The following ARMH3 variants were observed in gnomAD, a reference collection of about 807,000 sequenced individuals.
The protein encoded by ARMH3 is armadillo like helical domain containing 3.
Under a neutral mutation model 99.1 loss-of-function variants are expected in ARMH3, and 60 were observed. The observed-to-expected ratio is 0.61, with a 90% CI of 0.49 to 0.75. The LOEUF (loss-of-function observed/expected upper bound fraction) is 0.75. Ranked by LOEUF, ARMH3 falls within the 30% of genes least tolerant of loss-of-function variation. ARMH3 has a pLI of 0.00. For synonymous variants in ARMH3, 285 were observed against 292.8 expected, an observed-to-expected ratio of 0.97 and a Z score of 0.27; for missense variants, 679 against 843.1, an observed-to-expected ratio of 0.81 and a Z score of 2.41.
At chr10:101,888,710 T>C (rs1284263723) in intron 24 of ARMH3, among the ~76,000 whole-genome samples, 4 of 152,228 alleles carry the variant, frequency 2.6e-5, no homozygotes, top group Non-Finnish European at 5.9e-5. Context: ...AAGGGAACCA[T>C]GTGAATAGGA....
intron 21 of ARMH3, among the ~76,000 whole-genome samples, chr10:101,957,155 A>G (rs1231020883): frequency 2.0e-5 from 3 of 152,238 alleles, no homozygotes; most frequent in Non-Finnish European, 4.4e-5. Flanking sequence ...CTACGAATCA[A>G]GACTTTTTTT....
chr10:101,917,420 A>T (rs1272927271), intron 23 of ARMH3, among the ~76,000 whole-genome samples: 1 of 152,242 alleles, frequency 6.6e-6, no homozygotes, highest in Non-Finnish European at 1.5e-5. Flanking sequence ...AGGTTGTTGC[A>T]TGTATCAGTA....
intron 8 of ARMH3, among the ~76,000 whole-genome samples, chr10:102,022,491 TAAAAAAAAAAA>T (rs745889967): frequency 1.2e-5 from 1 of 85,364 alleles, no homozygotes; most frequent in Non-Finnish European, 2.3e-5. Flanking sequence ...GACTCTGACT[TAAAAAAAAAAA>T]AAAAAAAAAA....
At chr10:101,925,364 G>C (rs1180511894) in intron 23 of ARMH3, among the ~76,000 whole-genome samples, 1 of 152,124 alleles carries the variant, frequency 6.6e-6, no homozygotes, top group Non-Finnish European at 1.5e-5. Context: ...CCATATTTTA[G>C]GAGATAAATT....
At chr10:101,969,042 C>A (rs1457650717) in intron 20 of ARMH3, among the ~76,000 whole-genome samples, 1 of 152,114 alleles carries the variant, frequency 6.6e-6, no homozygotes, top group Non-Finnish European at 1.5e-5. Context: ...TTGCCTAAAT[C>A]AGAGAAAATT....
intron 23 of ARMH3, among the ~76,000 whole-genome samples, chr10:101,931,273 T>C (rs1042260904): frequency 6.6e-6 from 1 of 152,196 alleles, no homozygotes; most frequent in Non-Finnish European, 1.5e-5. Context: ...ACGCCTGTAA[T>C]CCCAACACTT....
chr10:102,047,555 C>T (rs777646392), intron 1 of ARMH3, among the ~76,000 whole-genome samples: 2 of 151,418 alleles, frequency 1.3e-5, no homozygotes, highest in Non-Finnish European at 2.9e-5. Context: ...GGCATGATCT[C>T]GGCTCACGGC....
intron 20 of ARMH3, among the ~76,000 whole-genome samples, chr10:101,969,264 G>A (rs1845669036): frequency 6.6e-6 from 1 of 152,100 alleles, no homozygotes; most frequent in Non-Finnish European, 1.5e-5. Context: ...TACTATTTTT[G>A]CAACTTCCTG....
At chr10:101,952,820 ACT>A (rs1479215733) in intron 22 of ARMH3, 2 of 151,968 alleles carry the variant, frequency 1.3e-5, no homozygotes, top group African/African-American at 4.8e-5. Context: ...ACATTAAGCA[ACT>A]CTCTTTGTCT....
intron 20 of ARMH3, among the ~76,000 whole-genome samples, chr10:101,958,770 T>C (rs1845155949): frequency 6.6e-6 from 1 of 152,076 alleles, no homozygotes; most frequent in Admixed American, 6.5e-5. Flanking sequence ...TTGTGTGAAG[T>C]TTACTACTCT....
intron 2 of ARMH3, among the ~76,000 whole-genome samples, chr10:102,039,148 G>A (rs1363399841): frequency 6.7e-6 from 1 of 149,836 alleles, no homozygotes; most frequent in Non-Finnish European, 1.5e-5. Flanking sequence ...CCTTGATAGT[G>A]TATTTTTTTT....
In ARMH3 at chr10:101,946,013, GCAGAGGTTGCAGTGGGCCACTGCACT is replaced by G. The variant is rs1844501806; in HGVS notation, c.1706-6101_1706-6076del. 2.1e-5 allele frequency among the ~76,000 whole-genome samples: 3 copies of G among 140,420 alleles called. No individual in the cohort carries two copies. The South Asian group carries it at 6.7e-4, about 31-fold the overall frequency. 92.1% of individuals were successfully genotyped at this position (140,420 alleles called of 152,430 possible). ...CAGAAGAATCGCTTGAACCCAGGAG[GCAGAGGTTGCAGTGGGCCACTGCACT>G]CCAGCCTGGGCGACAGAGTAAGACT... On this transcript the variant is annotated intron_variant, in intron 22 of 25. Coordinates refer to ENST00000370033, the MANE Select transcript of ARMH3 (RefSeq NM_024541.3).
chr10:101,990,580 C>T lies in ARMH3; in HGVS notation c.1377G>A (p.Met459Ile). Residue 459 changes from methionine (M) to isoleucine (I), a missense_variant, in exon 19 of 26, where the codon ATG becomes ATA. By Grantham distance (10) the Met-to-Ile change is conservative. Around this residue, in one of 3 missense-constraint regions of ARMH3, gnomAD observed 389 missense variants for 456.5 expected, o/e 0.85. Coordinates refer to ENST00000370033, the MANE Select transcript of ARMH3 (RefSeq NM_024541.3). Reference protein sequence around the residue: ...DLMVEFIVTHMMKEFPMDLYI... With the variant: ...DLMVEFIVTHIMKEFPMDLYI... The stretch of plus-strand genomic sequence containing the variant: ...AGAGATCCATAGGAAACTCCTTCAT[C>T]ATGTGTGTTACAATAAACTCTACCA... 6.2e-7 allele frequency: 1 copy of T among 1,604,072 alleles called. No individual in the cohort carries two copies. Among genetic ancestry groups the T allele is most frequent in the Non-Finnish European group, 8.5e-7 (1 of 1,171,022 alleles).
intron 24 of ARMH3, among the ~76,000 whole-genome samples, chr10:101,878,576 T>C (rs761330296): frequency 4.0e-5 from 6 of 151,380 alleles, no homozygotes; most frequent in Non-Finnish European, 5.9e-5. Context: ...GAGCTCGAGG[T>C]TGCAGTCAGC....
intron 23 of ARMH3, among the ~76,000 whole-genome samples, chr10:101,924,512 C>T (rs1843428961): frequency 6.6e-6 from 1 of 151,606 alleles, no homozygotes; most frequent in African/African-American, 2.4e-5. Context: ...CAGGCGCCCG[C>T]CACCATGCCT....
chr10:101,907,392 T>G (rs1249902045), intron 23 of ARMH3, among the ~76,000 whole-genome samples: 8 of 151,580 alleles, frequency 5.3e-5, no homozygotes, highest in African/African-American at 9.7e-5. Context: ...TTTGTTTTTT[T>G]TTTTTTTTGA....
intron 1 of ARMH3, among the ~76,000 whole-genome samples, chr10:102,040,536 A>G (rs754758833): frequency 6.6e-6 from 1 of 152,212 alleles, no homozygotes; most frequent in Non-Finnish European, 1.5e-5. Context: ...AGGAAGAAGA[A>G]CTGATAAACA....
chr10:101,996,389 A>G (rs925167256), intron 15 of ARMH3, among the ~76,000 whole-genome samples: 3 of 152,204 alleles, frequency 2.0e-5, no homozygotes, highest in African/African-American at 7.2e-5. Context: ...AAACCTGACA[A>G]TTAGATGGCA....
chr10:101,868,742 T>C (rs2067064386), intron 24 of ARMH3, among the ~76,000 whole-genome samples: 2 of 152,194 alleles, frequency 1.3e-5, no homozygotes, highest in African/African-American at 4.8e-5. Context: ...ATAATACATA[T>C]ATAAAATATG....
Sources: allele counts gnomAD v4.1 joint callset (sites outside exome capture counted in the v4.1 genomes callset), GRCh38; gene constraint gnomAD v4.1.1; regional missense constraint gnomAD v4.1.1; transcripts MANE v1.5; gene names NCBI Gene and HGNC (gene_info 2026-07-23, HGNC 2026-07-21).